The following ITK variants were observed in gnomAD, a reference collection of about 807,000 sequenced individuals.
ITK encodes IL2 inducible T cell kinase.
In ITK, 45 loss-of-function variants were observed where a neutral mutation model predicts 87.6. The observed-to-expected ratio is 0.51, with a 90% CI of 0.40 to 0.66. The LOEUF (loss-of-function observed/expected upper bound fraction) is 0.66, where lower values mean the gene tolerates loss of function less well. Among genes scored for constraint, ITK ranks in the 30% least tolerant of loss-of-function variants. ITK has a pLI of 0.00. For missense variants in ITK, 605 were observed against 766.3 expected (o/e 0.79, Z 2.48); for synonymous variants, 303 against 273.6 (o/e 1.11, Z -1.06).
intron 1 of ITK, among the ~76,000 whole-genome samples, chr5:157,200,885 A>T (rs1034558681): frequency 6.6e-6 from 1 of 152,290 alleles, no homozygotes; most frequent in South Asian, 2.1e-4. Context: ...ATAGGGGTCT[A>T]CTGAGCACCT....
intron 4 of ITK, among the ~76,000 whole-genome samples, chr5:157,214,696 C>G (rs536910151): frequency 2.0e-4 from 30 of 152,144 alleles, no homozygotes; most frequent in Admixed American, 1.8e-3. Context: ...ATTTGAATGG[C>G]ATGGTCTATT....
Position 157,244,295 on chromosome 5 carries a change from T to C in ITK, c.1266T>C (p.Tyr422=), listed in dbSNP as rs1428763707. The change falls in exon 13 of 17, where the codon TAT becomes TAC. Residue 422 remains tyrosine (Y), a synonymous_variant. Transcript: ENST00000422843. The part of the protein sequence containing the change: ...KLSHPKLVQL[Y]GVCLEQAPIC... ...CTCATCCCAAACTGGTGCAGCTGTA[T>C]GGGGTGTGCCTGGAGCAGGCCCCCA... is the stretch of plus-strand genomic sequence containing the variant. 6.2e-7 allele frequency: 1 copy of C among 1,614,254 alleles called. No individual in the cohort carries two copies. Among genetic ancestry groups the C allele is most frequent in the South Asian group, 1.1e-5 (1 of 91,088 alleles).
intron 15 of ITK, among the ~76,000 whole-genome samples, chr5:157,246,618 G>A (rs771116385): frequency 1.4e-4 from 22 of 152,140 alleles, no homozygotes; most frequent in Non-Finnish European, 2.6e-4. Context: ...AAATAAAACA[G>A]TAATGGGGCA....
chr5:157,236,693 A>G (rs966177724), intron 8 of ITK, among the ~76,000 whole-genome samples: 2 of 152,218 alleles, frequency 1.3e-5, no homozygotes, highest in African/African-American at 4.8e-5. Flanking sequence ...AGAGTGTTAG[A>G]TAGGAAGTAC....
At chr5:157,240,434 C>T in intron 10 of ITK, 1 of 577,382 alleles carries the variant, frequency 1.7e-6, no homozygotes, top group Non-Finnish European at 3.1e-6. Flanking sequence ...CCTGCCACAT[C>T]CCTCCATGGA....
chr5:157,183,831 A>G lies in ITK; in HGVS notation c.138+2716A>G, dbSNP rs188234329. On this transcript the variant is annotated intron_variant, in intron 1 of 16. Transcript: ENST00000422843. ...TGCAGTTCTCATATTCTATGAATTT[A>G]TAACACCATATGAAAAATAACCCTT... is the stretch of plus-strand genomic sequence containing the variant. 2.0e-5 allele frequency among the ~76,000 whole-genome samples: 3 copies of G among 152,342 alleles called. No individual in the cohort carries two copies. In the East Asian group the frequency reaches 5.8e-4, roughly 29 times the overall value.
intron 1 of ITK, among the ~76,000 whole-genome samples, chr5:157,191,920 A>G (rs756206759): frequency 2.6e-5 from 4 of 152,202 alleles, no homozygotes; most frequent in South Asian, 2.1e-4. Context: ...GTCACAGGAT[A>G]AGAACATTTT....
intron 8 of ITK, among the ~76,000 whole-genome samples, chr5:157,237,640 G>A (rs1383671948): frequency 6.6e-6 from 1 of 152,204 alleles, no homozygotes; most frequent in African/African-American, 2.4e-5. Flanking sequence ...TTTGAAAGGA[G>A]GCATCCTGGA....
rs903615305 is a variant in ITK, at chr5:157,244,156, C to T, written c.1233-106C>T. On this transcript the variant is annotated intron_variant, in intron 12 of 16. Transcript: ENST00000422843. ...GGAATGAATATTATTTTCATCCAAA[C>T]CATAAATTAGACAAAATGACCATTG... The T allele has an allele frequency of 4.2e-6, 4 of 945,650 alleles. No homozygotes were observed. In the African/African-American group the frequency reaches 4.8e-5, roughly 11 times the overall value. The allele number at this position is 945,650 out of a possible 1,614,324, so 58.6% of individuals were successfully genotyped here.
Position 157,181,079 on chromosome 5 carries a change from C to A in ITK, c.102C>A (p.Thr34=). 6.2e-7 allele frequency: 1 copy of A among 1,614,038 alleles called. No individual in the cohort carries two copies. The change falls in exon 1 of 17, where the codon ACC becomes ACA. Residue 34 remains threonine, a synonymous_variant. Transcript: ENST00000422843. The part of the protein sequence containing the change: ...SNFKVRFFVL[T]KASLAYFEDR... ...TTAAAGTCCGCTTCTTTGTGTTAAC[C>A]AAAGCCAGCCTGGCATACTTTGAAG...
chr5:157,248,574 G>A (rs113744968), intron 15 of ITK, among the ~76,000 whole-genome samples: 190 of 152,192 alleles, frequency 1.2e-3, no homozygotes, highest in African/African-American at 4.4e-3. Flanking sequence ...TTTACATCCT[G>A]CATCTTGGCA....
At chr5:157,227,677 C>T (rs1754559863) in intron 6 of ITK, among the ~76,000 whole-genome samples, 1 of 151,714 alleles carries the variant, frequency 6.6e-6, no homozygotes, top group Non-Finnish European at 1.5e-5. Context: ...TCTTTTTTTC[C>T]AGTAGAGGAA....
intron 1 of ITK, among the ~76,000 whole-genome samples, chr5:157,185,231 T>TA (rs1166528694): frequency 3.3e-5 from 5 of 151,602 alleles, no homozygotes; most frequent in African/African-American, 9.7e-5. Flanking sequence ...TGCAATTCTC[T>TA]AAAAAGCTAT....
chr5:157,244,546 G>A (rs1038053262), intron 13 of ITK, 68 bp downstream of exon 13: 1 of 878,216 alleles, frequency 1.1e-6, no homozygotes, highest in Non-Finnish European at 1.9e-6. Context: ...AAATGACTGG[G>A]AACGCATTAA....
At chr5:157,227,635 T>C in intron 6 of ITK, among the ~76,000 whole-genome samples, 1 of 152,096 alleles carries the variant, frequency 6.6e-6, no homozygotes, top group East Asian at 1.9e-4. Context: ...CACAAAAATG[T>C]TTCCTTATAG....
intron 1 of ITK, chr5:157,199,101 T>C (rs1753909718): frequency 6.6e-6 from 1 of 152,208 alleles, no homozygotes; most frequent in Non-Finnish European, 1.5e-5. Context: ...AAAAATTCTC[T>C]TAATTAACTT....
intron 16 of ITK, 113 bp downstream of exon 16, chr5:157,249,120 T>A: frequency 2.2e-6 from 2 of 895,054 alleles, no homozygotes; most frequent in Non-Finnish European, 3.7e-6. Flanking sequence ...ATAACTAATA[T>A]AGATTAGCAA....
chr5:157,234,669 G>A (rs1172294665), intron 8 of ITK, among the ~76,000 whole-genome samples: 2 of 152,072 alleles, frequency 1.3e-5, no homozygotes, highest in East Asian at 3.9e-4. Context: ...AACTAACACA[G>A]GAATAGAAAA....
intron 16 of ITK, among the ~76,000 whole-genome samples, chr5:157,249,901 C>A (rs1360674807): frequency 6.6e-6 from 1 of 152,126 alleles, no homozygotes; most frequent in East Asian, 1.9e-4. Flanking sequence ...TCAGTTGGCA[C>A]TTTTTCCCTC....
Sources: allele counts gnomAD v4.1 joint callset (sites outside exome capture counted in the v4.1 genomes callset), GRCh38; gene constraint gnomAD v4.1.1; transcripts MANE v1.5; gene names NCBI Gene and HGNC (gene_info 2026-07-23, HGNC 2026-07-21).